Variants in STXBP5 observed in about 807,000 individuals in gnomAD.
STXBP5 encodes the protein syntaxin-binding protein 5.
STXBP5 carries 50 observed loss-of-function variants against 152.4 expected under a neutral mutation model. That is an observed-to-expected ratio of 0.33 (90% confidence interval 0.26 to 0.42). STXBP5 has a LOEUF of 0.42. Among genes scored for constraint, STXBP5 ranks in the 10% least tolerant of loss-of-function variants. The probability of loss-of-function intolerance (pLI) is 1.00; values close to 1 mark genes in which losing one functional copy is unlikely to be tolerated. For synonymous variants in STXBP5, 492 were observed against 494.7 expected (o/e 0.99, Z 0.07); for missense variants, 1,167 against 1,388.6 (o/e 0.84, Z 2.54).
chr6:147,291,031 ATC>A, intron 8 of STXBP5, 61 bp from the exon 9 acceptor site: 1 of 1,214,204 alleles, frequency 8.2e-7, no homozygotes, highest in Admixed American at 2.1e-5. Flanking sequence ...TTTATAAACT[ATC>A]AATGTAAGAA....
At chr6:147,353,163 G>C (rs968247069) in intron 21 of STXBP5, among the ~76,000 whole-genome samples, 160 bp from the exon 22 acceptor site, 2 of 151,966 alleles carry the variant, frequency 1.3e-5, no homozygotes, top group African/African-American at 4.8e-5. Context: ...AAAATAAAAA[G>C]TTGAAAGGAT....
At chr6:147,312,335 C>A (rs970026689) in intron 11 of STXBP5, among the ~76,000 whole-genome samples, 2 of 152,112 alleles carry the variant, frequency 1.3e-5, no homozygotes, top group Admixed American at 6.6e-5. Flanking sequence ...TGTTTACTTA[C>A]AAATTATTTG....
At chr6:147,305,170 T>A (rs1782025057) in intron 9 of STXBP5, among the ~76,000 whole-genome samples, 2 of 152,192 alleles carry the variant, frequency 1.3e-5, no homozygotes, top group Admixed American at 1.3e-4. Context: ...GTGTAGACAC[T>A]TGAATGCCAC....
intron 4 of STXBP5, 62 bp downstream of exon 4, chr6:147,239,332 A>C (rs1463474416): frequency 4.3e-5 from 64 of 1,473,138 alleles, no homozygotes; most frequent in Non-Finnish European, 5.7e-5. Flanking sequence ...CTTGAATTTC[A>C]GTCTTTGATT....
At chr6:147,239,631 A>G (rs916614966) in intron 4 of STXBP5, among the ~76,000 whole-genome samples, 1 of 152,174 alleles carries the variant, frequency 6.6e-6, no homozygotes, top group Non-Finnish European at 1.5e-5. Flanking sequence ...CAGCACATTT[A>G]AATCTTCCTG....
At position 147,363,381 on chromosome 6, in the gene STXBP5, G is replaced by A. The variant is rs879126225; in HGVS notation, c.2592G>A (p.Leu864=). The A allele has an allele frequency of 6.2e-7, 1 of 1,611,200 alleles. No individual in the cohort carries two copies. The highest frequency in any genetic ancestry group is 8.5e-7 in the Non-Finnish European group (1 of 1,179,182). ...LKGAILRMAF[L]DTTGCLIPPA... is the part of the protein sequence containing the mutation. ...GTGCAATCTTGAGAATGGCATTTCT[G>A]GATACCACAGGCTGCTTAATACCAC... The change falls in exon 24 of 28, where the codon CTG becomes CTA. Residue 864 remains leucine (L), a synonymous_variant. Transcript: ENST00000321680.
chr6:147,382,137 T>C (rs1786117557), intron 26 of STXBP5, among the ~76,000 whole-genome samples: 1 of 152,054 alleles, frequency 6.6e-6, no homozygotes, highest in African/African-American at 2.4e-5. Context: ...GTGATCTAAG[T>C]GTTAGGTAAA....
chr6:147,291,538 T>C (rs1056625431), intron 9 of STXBP5, among the ~76,000 whole-genome samples: 2 of 152,148 alleles, frequency 1.3e-5, no homozygotes, highest in Non-Finnish European at 2.9e-5. Flanking sequence ...ATATATGTTA[T>C]GAAAGTTATA....
chr6:147,371,586 A>AT (rs1554221084), intron 25 of STXBP5, among the ~76,000 whole-genome samples: 1 of 152,106 alleles, frequency 6.6e-6, no homozygotes, highest in Non-Finnish European at 1.5e-5. Flanking sequence ...TGACAGACTA[A>AT]TTTGACTAAG....
chr6:147,265,926 A>G (rs1779871996), intron 6 of STXBP5, among the ~76,000 whole-genome samples: 1 of 151,982 alleles, frequency 6.6e-6, no homozygotes, highest in Non-Finnish European at 1.5e-5. Flanking sequence ...AAAAAAGTAC[A>G]AAGTGTTATT....
intron 21 of STXBP5, among the ~76,000 whole-genome samples, chr6:147,345,577 T>C (rs1425470415): frequency 3.3e-5 from 5 of 152,194 alleles, no homozygotes; most frequent in Admixed American, 3.3e-4. Context: ...TTGTTGAAAC[T>C]CTCGGTATAA....
Position 147,353,359 on chromosome 6 carries a change from T to C in STXBP5, c.2291T>C (p.Leu764Pro). The C allele has an allele frequency of 6.3e-7, 1 of 1,581,072 alleles. No individual in the cohort carries two copies. Among genetic ancestry groups the C allele is most frequent in the Non-Finnish European group, 8.6e-7 (1 of 1,164,070 alleles). The change falls in exon 22 of 28, where the codon CTA becomes CCA. Residue 764 changes from leucine to proline, a missense_variant. This residue lies in a region of STXBP5 where 833 missense variants were observed against 986.3 expected (regional missense o/e 0.84). Coordinates refer to ENST00000321680, the MANE Select transcript of STXBP5 (RefSeq NM_001127715.4). ...AGGAAGTTAAGCTTACCTACTGACC[T>C]AAAGCCTGATTTAGGTAAGTAAAAT... ...MSRKLSLPTD[L>P]KPDLDVKDNS...
At chr6:147,219,003 G>A (rs1227277691) in intron 2 of STXBP5, among the ~76,000 whole-genome samples, 1 of 152,176 alleles carries the variant, frequency 6.6e-6, no homozygotes, top group Admixed American at 6.5e-5. Context: ...GGCGTGATAA[G>A]AGGGATATCC....
At chr6:147,336,161 A>G (rs969808951) in intron 19 of STXBP5, among the ~76,000 whole-genome samples, 2 of 152,224 alleles carry the variant, frequency 1.3e-5, no homozygotes, top group Non-Finnish European at 2.9e-5. Flanking sequence ...CAAAAAGTCA[A>G]ACTTTAATAG....
chr6:147,239,143 T>C, intron 3 of STXBP5, 27 bp from the exon 4 acceptor site: 1 of 1,579,224 alleles, frequency 6.3e-7, no homozygotes. Flanking sequence ...ATATTATACA[T>C]GAAATGTGTT....
intron 8 of STXBP5, among the ~76,000 whole-genome samples, chr6:147,287,194 ATTTTTTTTTTTT>A (rs11370591): frequency 1.3e-5 from 1 of 75,256 alleles, no homozygotes; most frequent in African/African-American, 5.3e-5. Context: ...TTAATTGTAC[ATTTTTTTTTTTT>A]TTTTTTTTTT....
chr6:147,253,375 A>G (rs185163787), intron 4 of STXBP5, among the ~76,000 whole-genome samples: 110 of 152,336 alleles, frequency 7.2e-4, no homozygotes, highest in African/African-American at 2.5e-3. Flanking sequence ...AGCTGGAAGC[A>G]TTCCCTTTGA....
chr6:147,246,505 C>T (rs1582836146), intron 4 of STXBP5, among the ~76,000 whole-genome samples: 1 of 151,996 alleles, frequency 6.6e-6, no homozygotes, highest in African/African-American at 2.4e-5. Context: ...GAAAATTTCC[C>T]TTAATGAAAT....
Position 147,248,315 on chromosome 6 carries a change from A to G in STXBP5, c.431+9045A>G, listed in dbSNP as rs184669150. ...AAAAAAAAACTACTTAGCTCTGCCAATGAACTGATAAACAGAATGAGCTTT... is the reference window on the plus strand; with the variant it reads ...AAAAAAAAACTACTTAGCTCTGCCAGTGAACTGATAAACAGAATGAGCTTT... On this transcript the variant is annotated intron_variant, in intron 4 of 27. Coordinates refer to ENST00000321680, the MANE Select transcript of STXBP5 (RefSeq NM_001127715.4). Among the ~76,000 whole-genome samples, 471 of 152,220 alleles carry G rather than the reference A, an allele frequency of 3.1e-3. 5 individuals are homozygous for G. Among genetic ancestry groups the G allele is most frequent in the Non-Finnish European group, 3.2e-3 (217 of 68,016 alleles).
Sources: allele counts gnomAD v4.1 joint callset (sites outside exome capture counted in the v4.1 genomes callset), GRCh38; gene constraint gnomAD v4.1.1; regional missense constraint gnomAD v4.1.1; transcripts MANE v1.5; gene names NCBI Gene and HGNC (gene_info 2026-07-23, HGNC 2026-07-21).